The following RIN3 variants were observed in gnomAD, a reference collection of about 807,000 sequenced individuals.
RIN3 encodes the protein RAB5 interacting protein 3.
A neutral mutation model predicts 76.3 loss-of-function variants in RIN3; 54 were observed. The ratio of observed to expected loss-of-function variants is 0.71; its 90% CI spans 0.57 to 0.89. RIN3 has a LOEUF of 0.89. RIN3 is among the 40% of genes least tolerant of loss of function. The pLI is 0.00. For missense variants in RIN3, 1,256 were observed against 1,322.1 expected, an observed-to-expected ratio of 0.95 and a Z score of 0.78; for synonymous variants, 576 against 564.0, an observed-to-expected ratio of 1.02 and a Z score of -0.30.
chr14:92,672,660 A>ATATGTGTGTG (rs371612916), intron 7 of RIN3, among the ~76,000 whole-genome samples: 62 of 148,510 alleles, frequency 4.2e-4, no homozygotes, highest in East Asian at 2.0e-3. Context: ...ATGTGTGTGC[A>ATATGTGTGTG]TGTGTGTGTG....
Position 92,573,849 on chromosome 14 carries a change from T to C in RIN3, c.250-3511T>C, listed in dbSNP as rs1031446191. On this transcript the variant is annotated intron_variant, in intron 2 of 9. Coordinates refer to ENST00000216487, the MANE Select transcript of RIN3 (RefSeq NM_024832.5). ...AACCTCATTTCTTTGAAATACACCA[T>C]GTCCTGGTGTTAGTTCAATTTCAGG... 3.3e-5 allele frequency among the ~76,000 whole-genome samples: 5 copies of C among 152,336 alleles called. No individual in the cohort carries two copies. The East Asian group carries it at 9.6e-4, about 29-fold the overall frequency.
chr14:92,519,073 G>A (rs1304367198), intron 1 of RIN3, among the ~76,000 whole-genome samples: 1 of 151,926 alleles, frequency 6.6e-6, no homozygotes, highest in Non-Finnish European at 1.5e-5. Flanking sequence ...TCTGACAGTC[G>A]GCTCCCTGAG....
chr14:92,641,170 TC>T, intron 4 of RIN3, 67 bp from the exon 5 acceptor site: 1 of 1,245,354 alleles, frequency 8.0e-7, no homozygotes, highest in Non-Finnish European at 1.2e-6. Flanking sequence ...CCAGGGCTCT[TC>T]CTTTGTGGAG....
chr14:92,543,781 C>G (rs1793216284), intron 1 of RIN3, among the ~76,000 whole-genome samples: 1 of 151,988 alleles, frequency 6.6e-6, no homozygotes, highest in African/African-American at 2.4e-5. Context: ...CGGGATTTCA[C>G]TATGTTGGCC....
chr14:92,526,182 G>A (rs1896724356), intron 1 of RIN3, among the ~76,000 whole-genome samples: 1 of 152,160 alleles, frequency 6.6e-6, no homozygotes, highest in South Asian at 2.1e-4. Flanking sequence ...TTGCCCGGGC[G>A]AGGTGGTTCA....
chr14:92,564,216 A>G (rs1244936649), intron 2 of RIN3, among the ~76,000 whole-genome samples: 1 of 152,252 alleles, frequency 6.6e-6, no homozygotes, highest in African/African-American at 2.4e-5. Context: ...TTTGGATAAA[A>G]ATCCAAATGT....
intron 7 of RIN3, among the ~76,000 whole-genome samples, chr14:92,671,001 ACCCTACCCCTGG>A (rs1411725592): frequency 6.6e-6 from 1 of 152,152 alleles, no homozygotes; most frequent in Non-Finnish European, 1.5e-5. Flanking sequence ...TATGACCATG[ACCCTACCCCTGG>A]CAGGACAGAG....
At position 92,651,958 on chromosome 14, in the gene RIN3, T is replaced by C. The variant is rs1204777044; in HGVS notation, c.909T>C (p.Leu303=). The change falls in exon 6 of 10, where the codon CTT becomes CTC. Residue 303 remains leucine (L), a synonymous_variant. Transcript: ENST00000216487. ...SPAQPPVLPA[L]APAPACPLPT... ...CCCAGCCCCCTGTGCTCCCTGCTCT[T>C]GCCCCCGCCCCTGCCTGTCCTTTGC... 1 of 1,399,886 alleles carries C rather than the reference T, an allele frequency of 7.1e-7. No individual in the cohort carries two copies. Among genetic ancestry groups the C allele is most frequent in the Non-Finnish European group, 9.5e-7 (1 of 1,052,332 alleles). The allele number at this position is 1,399,886 out of a possible 1,614,324, so 86.7% of individuals were successfully genotyped here. A position where few individuals can be genotyped will look rare whatever the true frequency, so the allele number is the denominator to read the frequency against.
rs865814070 is a variant in RIN3 at position 92,571,810 on chromosome 14, A to G, written c.250-5550A>G. On this transcript the variant is annotated intron_variant, in intron 2 of 9. Transcript: ENST00000216487. ...CAGTTTTGTATAAAAGATACAGCACAGGAACCACCAAATGGAAAAGGCACA... is the reference window on the plus strand; with the variant it reads ...CAGTTTTGTATAAAAGATACAGCACGGGAACCACCAAATGGAAAAGGCACA... Among the ~76,000 whole-genome samples the G allele has an allele frequency of 8.5e-5, 13 of 152,356 alleles. 1 individual carries two copies. The highest frequency in any genetic ancestry group is 3.4e-3 in the Middle Eastern group (1 of 294).
rs1482298890 is a variant in RIN3, at chr14:92,582,457, TTTTTC to T, written c.367+4981_367+4985del. ...TCCTTTTTTACTTTTTTTTTTTTTT[TTTTTC>T]CCTGAGATGGAGTCTTGCTCTATCG... On this transcript the variant is annotated intron_variant, in intron 3 of 9. Coordinates refer to ENST00000216487, the MANE Select transcript of RIN3 (RefSeq NM_024832.5). Among the ~76,000 whole-genome samples the T allele has an allele frequency of 4.1e-3, 555 of 135,998 alleles. 2 individuals carry two copies. Among genetic ancestry groups the T allele is most frequent in the Non-Finnish European group, 5.0e-3 (323 of 64,826 alleles). 89.2% of individuals were successfully genotyped at this position (135,998 alleles called of 152,430 possible).
intron 1 of RIN3, among the ~76,000 whole-genome samples, chr14:92,546,375 C>T (rs926586341): frequency 1.3e-5 from 2 of 152,172 alleles, no homozygotes; most frequent in Admixed American, 6.5e-5. Context: ...TGGGAACATT[C>T]GAACTATTCT....
chr14:92,564,819 C>A (rs1897873185), intron 2 of RIN3, among the ~76,000 whole-genome samples: 1 of 152,162 alleles, frequency 6.6e-6, no homozygotes, highest in African/African-American at 2.4e-5. Flanking sequence ...GAAACGCGCA[C>A]ACACACGCGC....
Position 92,569,022 on chromosome 14 carries a change from G to A in RIN3, c.250-8338G>A, listed in dbSNP as rs552045063. On this transcript the variant is annotated intron_variant, in intron 2 of 9. Coordinates refer to ENST00000216487, the MANE Select transcript of RIN3 (RefSeq NM_024832.5). ...GGAGGACTGAGTGATACCAGTCCTG[G>A]TGCCTGTAAGGCACCTGGCCCAGTG... 3.1e-3 allele frequency among the ~76,000 whole-genome samples: 468 copies of A among 152,344 alleles called. 2 individuals are homozygous for A. Among genetic ancestry groups the A allele is most frequent in the African/African-American group, 0.011 (442 of 41,580 alleles).
In RIN3 at chr14:92,663,796, T is replaced by C. The variant is rs144858245; in HGVS notation, c.2335+4327T>C. On this transcript the variant is annotated intron_variant, in intron 7 of 9. Transcript: ENST00000216487. ...GTTTTGAATCCCAGCTTCGGTGCTA[T>C]AGCCTTGGACATTAATCTCCCTGGA... Among the ~76,000 whole-genome samples, 156 of 152,324 alleles carry C rather than the reference T, an allele frequency of 1.0e-3. 1 individual carries two copies. In the South Asian group the frequency reaches 0.017, roughly 16 times the overall value.
intron 1 of RIN3, among the ~76,000 whole-genome samples, chr14:92,530,883 G>C (rs1394874750): frequency 6.6e-6 from 1 of 152,078 alleles, no homozygotes; most frequent in African/African-American, 2.4e-5. Flanking sequence ...GACAACCCAG[G>C]TGAAGAACCT....
chr14:92,534,242 T>A (rs955358312), intron 1 of RIN3, among the ~76,000 whole-genome samples: 22 of 148,696 alleles, frequency 1.5e-4, no homozygotes, highest in Non-Finnish European at 7.5e-5. Context: ...TCATGTCATT[T>A]TTTTTTTTTT....
At chr14:92,515,336 T>C (rs752172677) in intron 1 of RIN3, 2 of 686,272 alleles carry the variant, frequency 2.9e-6, no homozygotes, top group South Asian at 1.5e-5. Context: ...GAGGAGTTTC[T>C]CAGGGAGGAA....
intron 3 of RIN3, among the ~76,000 whole-genome samples, chr14:92,592,865 G>A (rs1885032623): frequency 6.6e-6 from 1 of 151,782 alleles, no homozygotes; most frequent in African/African-American, 2.4e-5. Context: ...TTAGAGATGG[G>A]GTTTCGCCAT....
chr14:92,563,433 A>G (rs190980150), intron 2 of RIN3, among the ~76,000 whole-genome samples: 1 of 152,276 alleles, frequency 6.6e-6, no homozygotes, highest in East Asian at 1.9e-4. Flanking sequence ...AAAAGGCACA[A>G]TCATCAATTA....
Sources: allele counts gnomAD v4.1 joint callset (sites outside exome capture counted in the v4.1 genomes callset), GRCh38; gene constraint gnomAD v4.1.1; transcripts MANE v1.5; gene names NCBI Gene and HGNC (gene_info 2026-07-23, HGNC 2026-07-21).